Variants in DNAH8 observed in about 807,000 individuals in gnomAD.
DNAH8 encodes dynein axonemal heavy chain 8, also known as axonemal beta dynein heavy chain 8.
In DNAH8, 382 loss-of-function variants were observed where a neutral mutation model predicts 562.1. That is an observed-to-expected ratio of 0.68 (90% CI 0.63 to 0.74). DNAH8 has a LOEUF of 0.74. Among genes scored for constraint, DNAH8 ranks in the 30% least tolerant of loss-of-function variants. DNAH8 has a pLI of 0.00. For synonymous variants in DNAH8, 1,881 were observed against 1,919.4 expected (o/e 0.98, Z 0.52); for missense variants, 5,203 against 5,620.4 (o/e 0.93, Z 2.37).
At chr6:38,833,529 A>G (rs1774024874) in intron 31 of DNAH8, among the ~76,000 whole-genome samples, 1 of 152,230 alleles carries the variant, frequency 6.6e-6, no homozygotes, top group African/African-American at 2.4e-5. Flanking sequence ...TGCAGACATA[A>G]GCAAATCTGA....
chr6:38,827,733 CTTTTTTTTTTTTTTT>C lies in DNAH8; in HGVS notation c.4084-427_4084-413del, dbSNP rs562852660. On this transcript the variant is annotated intron_variant, in intron 29 of 92. Transcript: ENST00000327475. ...TGCAAAAGCTTAATTCTTTACCAAA[CTTTTTTTTTTTTTTT>C]TTTTTTTTTTTTTTTTTTTTTTTGG... Among the ~76,000 whole-genome samples the C allele has an allele frequency of 4.9e-3, 255 of 52,236 alleles. 35 individuals are homozygous for C. The highest frequency in any genetic ancestry group is 0.013 in the African/African-American group (175 of 13,888). 34.3% of individuals were successfully genotyped at this position (52,236 alleles called of 152,430 possible).
intron 62 of DNAH8, among the ~76,000 whole-genome samples, chr6:38,902,324 A>T (rs1780133337): frequency 6.6e-6 from 1 of 151,426 alleles, no homozygotes; most frequent in Admixed American, 6.6e-5. Context: ...CCCAACCACC[A>T]CCTCTATCTG....
rs749869847 is a variant in DNAH8, at chr6:38,974,503, G to A, written c.12808G>A (p.Val4270Ile). 6.2e-7 allele frequency: 1 copy of A among 1,613,806 alleles called. No individual in the cohort carries two copies. Among genetic ancestry groups the A allele is most frequent in the Non-Finnish European group, 8.5e-7 (1 of 1,179,818 alleles). The change falls in exon 85 of 93, where the codon GTA (valine) becomes ATA (isoleucine). Residue 4270 changes from valine (V) to isoleucine (I), a missense_variant. Physicochemically the swap from Val to Ile is conservative, Grantham distance 29. Around this residue, in one of 6 missense-constraint regions of DNAH8, gnomAD observed 1,399 missense variants for 1,518.4 expected, o/e 0.92. Transcript: ENST00000327475. The stretch of plus-strand genomic sequence containing the variant: ...CATGTGGAAGCCGATGCTTTACACA[G>A]TAGCATTTTTACACTCCACTGTGCA... ...LPMWKPMLYT[V>I]AFLHSTVQER...
chr6:38,994,860 T>C (rs1456615751), intron 88 of DNAH8, among the ~76,000 whole-genome samples: 1 of 152,070 alleles, frequency 6.6e-6, no homozygotes, highest in African/African-American at 2.4e-5. Context: ...ACCAGGCTGG[T>C]CTTGAGCTCT....
At chr6:38,715,960 A>ATATATATATTT (rs1372342002) in intron 1 of DNAH8, among the ~76,000 whole-genome samples, 1 of 23,626 alleles carries the variant, frequency 4.2e-5, no homozygotes, top group Non-Finnish European at 6.2e-5. Context: ...ATATATATAT[A>ATATATATATTT]TTTTTTTTTT....
At chr6:38,780,201 C>T in intron 15 of DNAH8, 136 bp downstream of exon 15, 1 of 832,870 alleles carries the variant, frequency 1.2e-6, no homozygotes, top group Non-Finnish European at 1.9e-6. Context: ...ACGCTCCCTT[C>T]TGTGTGGGAA....
At chr6:38,991,534 C>T (rs1345095796) in intron 88 of DNAH8, among the ~76,000 whole-genome samples, 1 of 152,222 alleles carries the variant, frequency 6.6e-6, no homozygotes, top group African/African-American at 2.4e-5. Flanking sequence ...ACATCAACCC[C>T]TGCTCAGAAT....
At chr6:38,943,483 G>T (rs1366083948) in intron 79 of DNAH8, among the ~76,000 whole-genome samples, 1 of 151,796 alleles carries the variant, frequency 6.6e-6, no homozygotes, top group Admixed American at 6.6e-5. Flanking sequence ...AGAGTGACAG[G>T]TTTTTTTTGT....
chr6:38,878,271 A>AT (rs1330963747), intron 53 of DNAH8, among the ~76,000 whole-genome samples: 1 of 152,162 alleles, frequency 6.6e-6, no homozygotes, highest in African/African-American at 2.4e-5. Flanking sequence ...CAGAATATAC[A>AT]TTTTTTTCCA....
chr6:38,900,711 A>G (rs1780016140), intron 62 of DNAH8, among the ~76,000 whole-genome samples: 1 of 151,548 alleles, frequency 6.6e-6, no homozygotes, highest in South Asian at 2.1e-4. Flanking sequence ...TCCACCTCCC[A>G]GGTTCAAGCG....
At chr6:38,878,097 G>A (rs1778166111) in intron 53 of DNAH8, among the ~76,000 whole-genome samples, 1 of 152,164 alleles carries the variant, frequency 6.6e-6, no homozygotes, top group South Asian at 2.1e-4. Context: ...GGAAGTGTCA[G>A]AGAACAACAG....
chr6:38,907,291 A>C (rs753652689), intron 63 of DNAH8, among the ~76,000 whole-genome samples: 4 of 152,170 alleles, frequency 2.6e-5, no homozygotes, highest in African/African-American at 4.8e-5. Context: ...CACTGTTTCC[A>C]TTCAGGGAAG....
intron 11 of DNAH8, among the ~76,000 whole-genome samples, chr6:38,767,433 A>G (rs1191812485): frequency 1.1e-5 from 1 of 93,668 alleles, no homozygotes; most frequent in Admixed American, 1.2e-4. Flanking sequence ...ACAAAACTCC[A>G]TCTCAGGAAA....
In DNAH8 at chr6:38,886,953, A is replaced by G. The variant is rs777937276; in HGVS notation, c.8422A>G (p.Thr2808Ala). 1 of 1,614,002 alleles carries G rather than the reference A, an allele frequency of 6.2e-7. No individual in the cohort carries two copies. The highest frequency in any genetic ancestry group is 1.7e-5 in the Admixed American group (1 of 60,030). ...TCCACAACGTTTAAAAAGACAATTT[A>G]CTGTGTTTAATTGTACATTGCCTTC... The part of the protein sequence containing the change: ...DIPQRLKRQF[T>A]VFNCTLPSNA... Residue 2808 changes from threonine (T) to alanine (A), a missense_variant, in exon 57 of 93, where the codon ACT becomes GCT. Transcript: ENST00000327475.
At position 38,852,409 on chromosome 6, in the gene DNAH8, G is replaced by A. The variant is rs553168874; in HGVS notation, c.5467-285G>A. 7.9e-5 allele frequency among the ~76,000 whole-genome samples: 12 copies of A among 152,146 alleles called. No individual in the cohort carries two copies. The South Asian group carries it at 1.9e-3, about 24-fold the overall frequency. On this transcript the variant is annotated intron_variant, in intron 39 of 92. Coordinates refer to ENST00000327475, the MANE Select transcript of DNAH8 (RefSeq NM_001206927.2). Reference sequence around the variant, plus strand: ...TCTGTCGGGGGAGGAGGGGGGAGGCGGTGTGGTCCAGTCCCCATCTGGTGG... The same window carrying A: ...TCTGTCGGGGGAGGAGGGGGGAGGCAGTGTGGTCCAGTCCCCATCTGGTGG...
chr6:38,895,897 C>A (rs137863840), intron 59 of DNAH8, 136 bp from the exon 60 acceptor site: 1 of 683,090 alleles, frequency 1.5e-6, no homozygotes, highest in Non-Finnish European at 2.4e-6. Flanking sequence ...CCCTTCTTAT[C>A]AAAAGGCAGA....
At chr6:38,947,790 C>T (rs750705027) in intron 80 of DNAH8, among the ~76,000 whole-genome samples, 6 of 152,020 alleles carry the variant, frequency 3.9e-5, no homozygotes, top group Non-Finnish European at 8.8e-5. Context: ...CTCTGTTGCC[C>T]AGGCTGGAGT....
intron 85 of DNAH8, among the ~76,000 whole-genome samples, chr6:38,977,632 C>T (rs560683103): frequency 6.6e-6 from 1 of 152,292 alleles, no homozygotes; most frequent in Admixed American, 6.5e-5. Context: ...AGCAAGCCCA[C>T]ATTCACCCTT....
chr6:38,848,830 A>G lies in DNAH8; in HGVS notation c.5199+29A>G. The G allele has an allele frequency of 1.9e-6, 3 of 1,605,824 alleles. No individual in the cohort carries two copies. In the South Asian group the frequency reaches 3.3e-5, roughly 18 times the overall value. On this transcript the variant is annotated intron_variant, in intron 37 of 92. Transcript: ENST00000327475. ...AATATGGCTTTTGTAATTACTGATA[A>G]AATAATTTGGTGTATGTTGTCTATA...
Sources: gnomAD v4.1 joint callset for allele counts (sites outside exome capture counted in the v4.1 genomes callset) on GRCh38, gnomAD v4.1.1 for gene constraint, gnomAD v4.1.1 regional missense constraint, MANE v1.5 for transcripts, NCBI Gene and HGNC (gene_info 2026-07-23, HGNC 2026-07-21) for gene names.